The following RGS3 variants were observed in gnomAD, a reference collection of about 807,000 sequenced individuals.
The protein encoded by RGS3 is regulator of G protein signaling 3.
Under a neutral mutation model 132.6 loss-of-function variants are expected in RGS3, and 80 were observed. The observed-to-expected ratio is 0.60, with a 90% CI of 0.50 to 0.73. RGS3 has a LOEUF of 0.73. Ranked by LOEUF, RGS3 falls within the 30% of genes least tolerant of loss-of-function variation. RGS3 has a pLI of 0.00. For synonymous variants in RGS3, 598 were observed against 620.6 expected (o/e 0.96, Z 0.54); for missense variants, 1,382 against 1,530.8 (o/e 0.90, Z 1.62).
intron 22 of RGS3, 67 bp downstream of exon 20, chr9:113,594,598 G>T: frequency 7.5e-7 from 1 of 1,341,302 alleles, no homozygotes; most frequent in Non-Finnish European, 1.1e-6. Context: ...GTAGGACTGA[G>T]TGGTAGGGTT....
At chr9:113,586,429 A>G (rs1482034158) in intron 20 of RGS3, among the ~76,000 whole-genome samples, 2 of 152,248 alleles carry the variant, frequency 1.3e-5, no homozygotes, top group African/African-American at 4.8e-5. Context: ...TTTGGGACAC[A>G]TACTCCTGCC....
intron 19 of RGS3, among the ~76,000 whole-genome samples, chr9:113,562,476 CAAA>C (rs1184135248): frequency 8.8e-5 from 6 of 68,532 alleles, no homozygotes; most frequent in Non-Finnish European, 6.0e-5. Context: ...GACTCTGTCT[CAAA>C]AAAAAAAAAA....
intron 8 of RGS3, 59 bp downstream of exon 6, chr9:113,495,905 C>G: frequency 2.1e-6 from 3 of 1,422,900 alleles, no homozygotes; most frequent in Non-Finnish European, 3.0e-6. Flanking sequence ...CTGGTACAGG[C>G]AGAGTTTCTC....
At chr9:113,448,553 A>G (rs568470581) in intron 1 of RGS3, among the ~76,000 whole-genome samples, 7 of 152,252 alleles carry the variant, frequency 4.6e-5, no homozygotes, top group Admixed American at 1.3e-4. Context: ...CACTGTCAAG[A>G]TGAAGTTCTC....
chr9:113,544,205 C>A, intron 19 of RGS3, among the ~76,000 whole-genome samples: 1 of 152,058 alleles, frequency 6.6e-6, no homozygotes. Flanking sequence ...GGGAGCACAA[C>A]CATTTATTGT....
At chr9:113,496,751 A>G (rs1310769951) in intron 8 of RGS3, among the ~76,000 whole-genome samples, 1 of 152,006 alleles carries the variant, frequency 6.6e-6, no homozygotes, top group Non-Finnish European at 1.5e-5. Context: ...GGGTTTCACC[A>G]TGTTGGCCAG....
chr9:113,500,989 C>T (rs904456017), intron 10 of RGS3, among the ~76,000 whole-genome samples: 14 of 152,128 alleles, frequency 9.2e-5, no homozygotes, highest in Admixed American at 3.3e-4. Context: ...CACGCCTGGC[C>T]GAAACTGACT....
At chr9:113,553,037 A>G (rs1012037113) in intron 19 of RGS3, among the ~76,000 whole-genome samples, 4 of 152,192 alleles carry the variant, frequency 2.6e-5, no homozygotes, top group African/African-American at 7.2e-5. Flanking sequence ...AATTACTAAT[A>G]TATGTTTGAT....
chr9:113,492,327 C>G (rs1296306016), intron 7 of RGS3, among the ~76,000 whole-genome samples: 1 of 152,176 alleles, frequency 6.6e-6, no homozygotes, highest in African/African-American at 2.4e-5. Context: ...TGGCTCAGTT[C>G]ATAGGTCTTC....
At chr9:113,552,257 C>T (rs996197808) in intron 19 of RGS3, among the ~76,000 whole-genome samples, 1 of 152,138 alleles carries the variant, frequency 6.6e-6, no homozygotes, top group African/African-American at 2.4e-5. Flanking sequence ...TATATTAGGA[C>T]AAGTACCCTC....
At chr9:113,489,694 A>AT (rs796193756) in intron 7 of RGS3, among the ~76,000 whole-genome samples, 3,447 of 142,060 alleles carry the variant, frequency 0.024, 132 homozygotes, top group African/African-American at 0.076. Context: ...CAGCTACTTA[A>AT]TTTTTTTTTT....
chr9:113,553,461 T>TATAA (rs1833437413), intron 19 of RGS3, among the ~76,000 whole-genome samples: 1 of 35,604 alleles, frequency 2.8e-5, no homozygotes, highest in Non-Finnish European at 4.5e-5. Context: ...AAAAAAAAAA[T>TATAA]ATATATATAT....
At chr9:113,559,013 G>A (rs533660590) in intron 19 of RGS3, among the ~76,000 whole-genome samples, 2 of 152,342 alleles carry the variant, frequency 1.3e-5, no homozygotes, top group South Asian at 4.1e-4. Context: ...TTGCCCCAGG[G>A]TTCGCAGAAG....
intron 13 of RGS3, among the ~76,000 whole-genome samples, chr9:113,508,016 G>A (rs77762123): frequency 0.014 from 2,086 of 152,280 alleles, 42 homozygotes; most frequent in African/African-American, 0.048. Context: ...GATGGAGTGC[G>A]CTCCCCAAAA....
chr9:113,596,567 A>C (rs1835789728), intron 24 of RGS3, among the ~76,000 whole-genome samples: 1 of 152,220 alleles, frequency 6.6e-6, no homozygotes, highest in African/African-American at 2.4e-5. Flanking sequence ...TTTCAGCCTT[A>C]TAAATGCTGC....
chr9:113,448,452 C>A (rs77755719), intron 1 of RGS3, among the ~76,000 whole-genome samples: 1,764 of 152,212 alleles, frequency 0.012, 46 homozygotes, highest in African/African-American at 0.038. Context: ...TTTTCTTCGA[C>A]TTCTTCTTCC....
chr9:113,504,461 C>G (rs933358181), intron 10 of RGS3, among the ~76,000 whole-genome samples: 1 of 152,194 alleles, frequency 6.6e-6, no homozygotes, highest in African/African-American at 2.4e-5. Flanking sequence ...AGGCTGTCCT[C>G]CCTGCATTAG....
At chr9:113,482,173 G>T (rs1830185435) in intron 4 of RGS3, among the ~76,000 whole-genome samples, 1 of 152,008 alleles carries the variant, frequency 6.6e-6, no homozygotes, top group Non-Finnish European at 1.5e-5. Context: ...CAGGCAAATG[G>T]TGCTGCCTAC....
chr9:113,484,803 T>G (rs1399580064), intron 6 of RGS3, among the ~76,000 whole-genome samples: 1 of 152,232 alleles, frequency 6.6e-6, no homozygotes. Flanking sequence ...GAAGGTAATG[T>G]ACATTTTGTA....
Sources: allele counts gnomAD v4.1 joint callset (sites outside exome capture counted in the v4.1 genomes callset), GRCh38; gene constraint gnomAD v4.1.1; transcripts MANE v1.5; gene names NCBI Gene and HGNC (gene_info 2026-07-23, HGNC 2026-07-21).